TMEM132C: variants seen among roughly 807,000 people sequenced by gnomAD.
TMEM132C encodes the protein protein phosphatase 1, regulatory subunit 152.
TMEM132C carries 29 observed loss-of-function variants against 61.4 expected under a neutral mutation model. The observed-to-expected ratio is 0.47, with a 90% CI of 0.35 to 0.64. TMEM132C has a LOEUF of 0.64. Ranked by LOEUF, TMEM132C falls within the 30% of genes least tolerant of loss-of-function variation. TMEM132C has a pLI of 0.00. For synonymous variants in TMEM132C, 656 were observed against 633.1 expected, an observed-to-expected ratio of 1.04 and a Z score of -0.54; for missense variants, 1,408 against 1,476.9, an observed-to-expected ratio of 0.95 and a Z score of 0.76.
chr12:128,558,972 A>G (rs900444132), intron 3 of TMEM132C, among the ~76,000 whole-genome samples: 2 of 152,228 alleles, frequency 1.3e-5, no homozygotes, highest in African/African-American at 4.8e-5. Context: ...TCCAAACTCA[A>G]AAAGTATACA....
intron 1 of TMEM132C, among the ~76,000 whole-genome samples, chr12:128,340,736 CCTTT>C (rs921452522): frequency 1.3e-5 from 2 of 148,464 alleles, no homozygotes; most frequent in Non-Finnish European, 3.0e-5. Context: ...TTCCTTCCTT[CCTTT>C]CTTTTTTTCT....
intron 1 of TMEM132C, among the ~76,000 whole-genome samples, chr12:128,401,322 T>C (rs1875150129): frequency 6.6e-6 from 1 of 152,186 alleles, no homozygotes; most frequent in Admixed American, 6.5e-5. Context: ...AAATCTCTGA[T>C]TTGATAACCT....
intron 3 of TMEM132C, among the ~76,000 whole-genome samples, chr12:128,588,265 C>G (rs937467937): frequency 2.0e-5 from 3 of 152,050 alleles, no homozygotes; most frequent in Admixed American, 2.0e-4. Flanking sequence ...GAAACCCCAT[C>G]TCTACAAAAA....
chr12:128,461,423 C>G (rs1384731072), intron 2 of TMEM132C, among the ~76,000 whole-genome samples: 1 of 59,300 alleles, frequency 1.7e-5, no homozygotes, highest in East Asian at 4.8e-4. Flanking sequence ...CCCACCCCAT[C>G]CCACCCACAA....
chr12:128,704,992 G>A lies in TMEM132C; in HGVS notation c.2122-98G>A, dbSNP rs1044769343. ...CATGAGCTACTGGGTCTGGATTTGA[G>A]GTCCTGCTCCCTGTTTCATTGGGCG... is the stretch of plus-strand genomic sequence containing the variant. On this transcript the variant is annotated intron_variant, in intron 8 of 8. Transcript: ENST00000435159. The A allele has an allele frequency of 5.2e-6, 7 of 1,344,044 alleles. No individual in the cohort carries two copies. In the East Asian group the frequency reaches 1.3e-4, roughly 24 times the overall value. 83.3% of individuals were successfully genotyped at this position (1,344,044 alleles called of 1,614,324 possible).
intron 5 of TMEM132C, among the ~76,000 whole-genome samples, chr12:128,671,781 G>A (rs943554469): frequency 4.6e-5 from 7 of 152,098 alleles, no homozygotes; most frequent in Admixed American, 2.0e-4. Flanking sequence ...ATACTATGAC[G>A]ATTCTTCTGA....
intron 5 of TMEM132C, among the ~76,000 whole-genome samples, chr12:128,683,020 C>T (rs371153742): frequency 6.6e-6 from 1 of 152,170 alleles, no homozygotes; most frequent in African/African-American, 2.4e-5. Flanking sequence ...GCTTTAGGAT[C>T]TCGAGTGCCT....
At chr12:128,607,145 G>A (rs1489316929) in intron 3 of TMEM132C, among the ~76,000 whole-genome samples, 2 of 152,260 alleles carry the variant, frequency 1.3e-5, no homozygotes, top group Middle Eastern at 3.4e-3. Context: ...GAAAGCCTCC[G>A]GATGTGTGAC....
At chr12:128,532,298 A>G (rs998005844) in intron 2 of TMEM132C, among the ~76,000 whole-genome samples, 2 of 152,100 alleles carry the variant, frequency 1.3e-5, no homozygotes, top group South Asian at 2.1e-4. Context: ...TAAAATGACT[A>G]TATATGCAAT....
chr12:128,281,831 T>A (rs1408848286), intron 1 of TMEM132C, among the ~76,000 whole-genome samples: 1 of 152,192 alleles, frequency 6.6e-6, no homozygotes, highest in East Asian at 1.9e-4. Flanking sequence ...CCACTGACCT[T>A]GAGGAACACT....
chr12:128,287,517 ATCTATATCTATC>A (rs1871113032), intron 1 of TMEM132C, among the ~76,000 whole-genome samples: 1 of 132,252 alleles, frequency 7.6e-6, no homozygotes. Flanking sequence ...CTATATCTAT[ATCTATATCTATC>A]TGTGTGTGTG....
chr12:128,665,389 A>G (rs1380837589), intron 4 of TMEM132C, among the ~76,000 whole-genome samples: 1 of 151,480 alleles, frequency 6.6e-6, no homozygotes. Flanking sequence ...ACACACACAG[A>G]CACAGGCACT....
intron 1 of TMEM132C, among the ~76,000 whole-genome samples, chr12:128,399,658 C>G (rs1875082650): frequency 6.6e-6 from 1 of 152,124 alleles, no homozygotes; most frequent in African/African-American, 2.4e-5. Flanking sequence ...TAAGAAAGTT[C>G]TCCTATGCAT....
intron 3 of TMEM132C, among the ~76,000 whole-genome samples, chr12:128,551,604 C>T (rs1344723120): frequency 1.3e-5 from 2 of 152,200 alleles, no homozygotes; most frequent in East Asian, 3.9e-4. Context: ...TGCCCTGTGA[C>T]AGAGAGGATC....
intron 3 of TMEM132C, among the ~76,000 whole-genome samples, chr12:128,594,557 C>T (rs943365431): frequency 1.3e-5 from 2 of 152,160 alleles, no homozygotes; most frequent in Non-Finnish European, 2.9e-5. Flanking sequence ...CTGGTGAACC[C>T]GGAGCCACCC....
intron 1 of TMEM132C, among the ~76,000 whole-genome samples, chr12:128,315,375 G>T (rs1208161035): frequency 6.6e-6 from 1 of 152,108 alleles, no homozygotes; most frequent in Non-Finnish European, 1.5e-5. Context: ...AAGTGTCAGG[G>T]CCACACAGTT....
At chr12:128,481,074 T>C (rs1871303590) in intron 2 of TMEM132C, among the ~76,000 whole-genome samples, 1 of 152,084 alleles carries the variant, frequency 6.6e-6, no homozygotes, top group Non-Finnish European at 1.5e-5. Context: ...TGCATGTGAG[T>C]TGCTCATGGA....
At chr12:128,551,625 C>G (rs572526368) in intron 3 of TMEM132C, among the ~76,000 whole-genome samples, 2 of 152,220 alleles carry the variant, frequency 1.3e-5, no homozygotes, top group Non-Finnish European at 2.9e-5. Context: ...GAGCATGAAG[C>G]AAATGCTTCT....
At chr12:128,307,763 A>G (rs1374608729) in intron 1 of TMEM132C, among the ~76,000 whole-genome samples, 1 of 152,200 alleles carries the variant, frequency 6.6e-6, no homozygotes, top group Non-Finnish European at 1.5e-5. Flanking sequence ...ACTTCAAGTC[A>G]TCGTATTGCA....
Sources: allele counts gnomAD v4.1 joint callset (sites outside exome capture counted in the v4.1 genomes callset), GRCh38; gene constraint gnomAD v4.1.1; transcripts MANE v1.5; gene names NCBI Gene and HGNC (gene_info 2026-07-23, HGNC 2026-07-21).